Variants in NCOA3 observed in about 807,000 individuals in gnomAD.
NCOA3 encodes the protein nuclear receptor coactivator 3, also known as CBP-interacting protein.
NCOA3 carries 51 observed loss-of-function variants against 158.8 expected under a neutral mutation model. The observed-to-expected ratio is 0.32, with a 90% CI of 0.26 to 0.41. The LOEUF is 0.41. Ranked by LOEUF, NCOA3 falls within the 10% of genes least tolerant of loss-of-function variation. The pLI is 1.00. For synonymous variants in NCOA3, 537 were observed against 592.4 expected (o/e 0.91, Z 1.36); for missense variants, 1,510 against 1,746.6 (o/e 0.86, Z 2.41).
intron 2 of NCOA3, among the ~76,000 whole-genome samples, chr20:47,589,740 C>T (rs1020568466): frequency 6.6e-6 from 1 of 151,962 alleles, no homozygotes; most frequent in African/African-American, 2.4e-5. Flanking sequence ...AAATACAATA[C>T]CCTCTCCACC....
intron 8 of NCOA3, among the ~76,000 whole-genome samples, chr20:47,629,873 A>G (rs1283802745): frequency 2.0e-5 from 3 of 152,240 alleles, no homozygotes; most frequent in African/African-American, 7.2e-5. Context: ...TCATCAGTAT[A>G]TAAAAGTGAT....
Position 47,635,920 on chromosome 20 carries a change from A to C in NCOA3, c.1534A>C (p.Asn512His). The C allele has an allele frequency of 6.2e-7, 1 of 1,613,818 alleles. No individual in the cohort carries two copies. Among genetic ancestry groups the C allele is most frequent in the Non-Finnish European group, 8.5e-7 (1 of 1,179,878 alleles). The change falls in exon 12 of 23, where the codon AAT (asparagine) becomes CAT (histidine). Residue 512 changes from asparagine to histidine, a missense_variant. Asn to His is a moderately conservative substitution (Grantham distance 68). This residue lies in a region of NCOA3 where 1,017 missense variants were observed against 1,098.3 expected (regional missense o/e 0.93). Coordinates refer to ENST00000371998, the MANE Select transcript of NCOA3 (RefSeq NM_181659.3). ...GVHSPMASSGNTGNHSFSSSS... is the reference protein window; with the variant it reads ...GVHSPMASSGHTGNHSFSSSS... ...GCACTCTCCCATGGCATCTTCTGGC[A>C]ATACTGGGAACCACAGCTTTTCCAG...
At chr20:47,527,099 T>A (rs945318897) in intron 1 of NCOA3, among the ~76,000 whole-genome samples, 1 of 152,244 alleles carries the variant, frequency 6.6e-6, no homozygotes, top group African/African-American at 2.4e-5. Context: ...TTATGTAGTT[T>A]GCTTAGGATT....
At chr20:47,547,653 C>T (rs1418859238) in intron 1 of NCOA3, among the ~76,000 whole-genome samples, 13 of 151,782 alleles carry the variant, frequency 8.6e-5, no homozygotes, top group South Asian at 8.3e-4. Flanking sequence ...CTCCTGACCT[C>T]GTGATCCACC....
chr20:47,613,943 TC>T (rs887376433), intron 2 of NCOA3, among the ~76,000 whole-genome samples: 4 of 152,028 alleles, frequency 2.6e-5, no homozygotes, highest in African/African-American at 9.7e-5. Flanking sequence ...TTCTTTTCTT[TC>T]CCCTCCTACT....
intron 1 of NCOA3, among the ~76,000 whole-genome samples, chr20:47,514,837 A>T (rs1342084907): frequency 6.9e-6 from 1 of 145,412 alleles, no homozygotes; most frequent in East Asian, 2.1e-4. Flanking sequence ...GGTGCCTGCC[A>T]CTATGCCTGG....
At chr20:47,639,291 A>G in intron 14 of NCOA3, 89 bp downstream of exon 14, 2 of 1,160,868 alleles carry the variant, frequency 1.7e-6, no homozygotes, top group Middle Eastern at 2.1e-4. Flanking sequence ...GGAGTAAATA[A>G]TAACTTTTTG....
chr20:47,646,554 T>G (rs986102244), intron 17 of NCOA3, among the ~76,000 whole-genome samples: 3 of 152,178 alleles, frequency 2.0e-5, no homozygotes, highest in Admixed American at 1.3e-4. Flanking sequence ...ATGTTTTGGC[T>G]GGAGACAAAA....
chr20:47,534,467 A>C lies in NCOA3; in HGVS notation c.-99+32448A>C, dbSNP rs116117990. On this transcript the variant is annotated intron_variant, in intron 1 of 22. Coordinates refer to ENST00000371998, the MANE Select transcript of NCOA3 (RefSeq NM_181659.3). Reference sequence around the variant, plus strand: ...AGCATCCTTTTACTGGATCATGCTGAATTTGAGTCTTTTCAGGGACCTGTA... The same window carrying C: ...AGCATCCTTTTACTGGATCATGCTGCATTTGAGTCTTTTCAGGGACCTGTA... 1.1e-3 allele frequency among the ~76,000 whole-genome samples: 164 copies of C among 152,256 alleles called. 1 individual carries two copies. Among genetic ancestry groups the C allele is most frequent in the African/African-American group, 3.7e-3 (152 of 41,546 alleles).
chr20:47,557,758 G>A (rs1380876473), intron 1 of NCOA3, among the ~76,000 whole-genome samples: 5 of 152,088 alleles, frequency 3.3e-5, no homozygotes, highest in African/African-American at 1.2e-4. Flanking sequence ...TTTAGGTTTT[G>A]GACTTTTCAA....
chr20:47,640,903 T>A (rs1034263298), intron 16 of NCOA3, among the ~76,000 whole-genome samples: 1 of 149,894 alleles, frequency 6.7e-6, no homozygotes, highest in African/African-American at 2.4e-5. Context: ...AAAAAAAAAA[T>A]TGTAGATTGT....
At position 47,651,116 on chromosome 20, in the gene NCOA3, GCAGCAACAGCAA is replaced by G. The variant is rs748517056; in HGVS notation, c.3804_3815del (p.Gln1273_Gln1276del). 6.6e-5 allele frequency: 96 copies of G among 1,460,334 alleles called. No individual in the cohort carries two copies. The highest frequency in any genetic ancestry group is 5.8e-4 in the Middle Eastern group (3 of 5,134). The allele number at this position is 1,460,334 out of a possible 1,614,324, so 90.5% of individuals were successfully genotyped here. On this transcript the variant is annotated inframe_deletion, in exon 20 of 23. Transcript: ENST00000371998. ...AACAGCAGCAGCAGCAGCAGCAGCA[GCAGCAACAGCAA>G]CAGCAACAGCAACAGCAGCAACAGC...
At chr20:47,619,783 G>A (rs137898581) in intron 2 of NCOA3, among the ~76,000 whole-genome samples, 1 of 151,828 alleles carries the variant, frequency 6.6e-6, no homozygotes, top group Non-Finnish European at 1.5e-5. Flanking sequence ...TTAAGGAATG[G>A]AATCACTATT....
At chr20:47,608,861 C>T (rs954155995) in intron 2 of NCOA3, among the ~76,000 whole-genome samples, 2 of 152,138 alleles carry the variant, frequency 1.3e-5, no homozygotes, top group Non-Finnish European at 2.9e-5. Context: ...TCTTGTAGCA[C>T]ACCCAGTTCC....
chr20:47,549,866 G>T (rs1165437791), intron 1 of NCOA3, among the ~76,000 whole-genome samples: 1 of 151,920 alleles, frequency 6.6e-6, no homozygotes, highest in Non-Finnish European at 1.5e-5. Flanking sequence ...ACCATGCCTG[G>T]CTAATTTTTG....
intron 8 of NCOA3, chr20:47,630,948 C>G (rs528490795): frequency 6.6e-6 from 1 of 152,306 alleles, no homozygotes; most frequent in East Asian, 1.9e-4. Flanking sequence ...AAAACCTATA[C>G]AAAACAGATA....
chr20:47,527,366 T>C (rs2084473140), intron 1 of NCOA3, among the ~76,000 whole-genome samples: 1 of 152,202 alleles, frequency 6.6e-6, no homozygotes, highest in South Asian at 2.1e-4. Flanking sequence ...TTGTGTCAGC[T>C]TCTTTTTTTT....
chr20:47,511,706 C>T (rs552522333), intron 1 of NCOA3, among the ~76,000 whole-genome samples: 16 of 150,956 alleles, frequency 1.1e-4, no homozygotes, highest in East Asian at 3.9e-4. Flanking sequence ...AGCACTACCA[C>T]GTGGACCCAG....
intron 1 of NCOA3, among the ~76,000 whole-genome samples, chr20:47,581,654 T>G (rs1358566660): frequency 1.3e-5 from 2 of 152,216 alleles, no homozygotes; most frequent in Non-Finnish European, 2.9e-5. Flanking sequence ...TTCGATACCA[T>G]TGGAATTAGT....
Sources: allele counts gnomAD v4.1 joint callset (sites outside exome capture counted in the v4.1 genomes callset), GRCh38; gene constraint gnomAD v4.1.1; regional missense constraint gnomAD v4.1.1; transcripts MANE v1.5; gene names NCBI Gene and HGNC (gene_info 2026-07-23, HGNC 2026-07-21).